COL6A6: variants seen among roughly 807,000 people sequenced by gnomAD.
COL6A6 encodes the protein collagen alpha-6(VI) chain.
COL6A6 carries 183 observed loss-of-function variants against 208.6 expected under a neutral mutation model. The ratio of observed to expected loss-of-function variants is 0.88; its 90% CI spans 0.78 to 0.99. COL6A6 has a LOEUF of 0.99. Ranked by LOEUF, COL6A6 falls within the 50% of genes least tolerant of loss-of-function variation. The probability of loss-of-function intolerance (pLI) is 0.00; values close to 1 mark genes in which losing one functional copy is unlikely to be tolerated. For missense variants in COL6A6, 2,816 were observed against 2,815.2 expected (o/e 1.00, Z -0.01); for synonymous variants, 973 against 1,011.8 (o/e 0.96, Z 0.73).
chr3:130,519,916 A>T (rs1482099477), intron 1 of COL6A6, among the ~76,000 whole-genome samples: 1 of 152,212 alleles, frequency 6.6e-6, no homozygotes, highest in Non-Finnish European at 1.5e-5. Flanking sequence ...TTTCCATGGA[A>T]TGTAATACAT....
intron 22 of COL6A6, among the ~76,000 whole-genome samples, chr3:130,609,810 A>G (rs1018321398): frequency 2.6e-5 from 4 of 152,220 alleles, no homozygotes; most frequent in Non-Finnish European, 5.9e-5. Flanking sequence ...AAGTTGGGCA[A>G]CATATCCTTA....
In COL6A6 at chr3:130,599,759, C is replaced by A; in HGVS notation, c.4602C>A (p.Gly1534=). ...TGLKGERGRQ[G]RRGWPGPPGT... is the part of the protein sequence containing the mutation. ...ACATCTGTCTGTTCCTTTGACAGGGCAGAAGAGGCTGGCCAGGCCCCCCCG... is the reference window on the plus strand; with the variant it reads ...ACATCTGTCTGTTCCTTTGACAGGGAAGAAGAGGCTGGCCAGGCCCCCCCG... The change falls in exon 20 of 37, where the codon GGC becomes GGA. Residue 1534 remains glycine (G), a splice_region_variant and synonymous_variant. Transcript: ENST00000358511. The A allele has an allele frequency of 1.2e-6, 2 of 1,613,670 alleles. No homozygotes were observed. Among genetic ancestry groups the A allele is most frequent in the Non-Finnish European group, 1.7e-6 (2 of 1,179,710 alleles).
At chr3:130,562,792 A>G (rs184246057) in intron 2 of COL6A6, among the ~76,000 whole-genome samples, 125 of 152,296 alleles carry the variant, frequency 8.2e-4, no homozygotes, top group African/African-American at 2.8e-3. Flanking sequence ...TCCAGTCACT[A>G]TTGTTAATCA....
rs199999908 is a variant in COL6A6, at chr3:130,649,092, C to A, written c.5263C>A (p.Pro1755Thr). 6.4e-7 allele frequency: 1 copy of A among 1,571,536 alleles called. No homozygotes were observed. Among genetic ancestry groups the A allele is most frequent in the Admixed American group, 1.9e-5 (1 of 53,838 alleles). Reference sequence around the variant, plus strand: ...AGGAAAACCGGAATGCCCAGTGCACCCAACCGAGTTGGTGTTTGCCCTGGA... The same window carrying A: ...AGGAAAACCGGAATGCCCAGTGCACACAACCGAGTTGGTGTTTGCCCTGGA... The part of the protein sequence containing the change: ...RHGKPECPVH[P>T]TELVFALDHS... The change falls in exon 33 of 37, where the codon CCA (proline) becomes ACA (threonine). Residue 1755 changes from proline to threonine, a missense_variant. Coordinates refer to ENST00000358511, the MANE Select transcript of COL6A6 (RefSeq NM_001102608.3).
At chr3:130,562,418 A>G (rs1367809284) in intron 2 of COL6A6, among the ~76,000 whole-genome samples, 1 of 152,238 alleles carries the variant, frequency 6.6e-6, no homozygotes, top group Non-Finnish European at 1.5e-5. Context: ...TTATAATATA[A>G]TGCTCATTCA....
chr3:130,533,919 A>T (rs1213301904), intron 1 of COL6A6, among the ~76,000 whole-genome samples: 2 of 152,220 alleles, frequency 1.3e-5, no homozygotes, highest in Non-Finnish European at 2.9e-5. Flanking sequence ...TTTGAACAAT[A>T]TTCCCACGTA....
At chr3:130,636,018 A>AT (rs778313452) in intron 28 of COL6A6, among the ~76,000 whole-genome samples, 1 of 152,222 alleles carries the variant, frequency 6.6e-6, no homozygotes, top group Non-Finnish European at 1.5e-5. Flanking sequence ...TGGTAATAAG[A>AT]TTTTTTAAAA....
intron 27 of COL6A6, among the ~76,000 whole-genome samples, chr3:130,635,274 G>C (rs2065078981): frequency 6.6e-6 from 1 of 152,030 alleles, no homozygotes; most frequent in African/African-American, 2.4e-5. Context: ...GTAATGTAAA[G>C]AAAATAAGAG....
chr3:130,670,446 G>GT (rs1344691841), intron 36 of COL6A6, among the ~76,000 whole-genome samples: 2 of 152,168 alleles, frequency 1.3e-5, no homozygotes, highest in African/African-American at 2.4e-5. Flanking sequence ...GAGTTTTATA[G>GT]TGAAGTCCAA....
intron 1 of COL6A6, among the ~76,000 whole-genome samples, chr3:130,556,026 C>T (rs2062760842): frequency 6.6e-6 from 1 of 152,272 alleles, no homozygotes; most frequent in East Asian, 1.9e-4. Flanking sequence ...TCATCCCTCA[C>T]TCCCCTGCAA....
chr3:130,588,428 C>G (rs866170796), intron 11 of COL6A6, among the ~76,000 whole-genome samples: 74 of 152,052 alleles, frequency 4.9e-4, no homozygotes, highest in African/African-American at 1.6e-3. Flanking sequence ...CTGGGTAAGT[C>G]CAGGATGACA....
chr3:130,597,962 A>G (rs2063896899), intron 18 of COL6A6, among the ~76,000 whole-genome samples: 1 of 152,200 alleles, frequency 6.6e-6, no homozygotes, highest in South Asian at 2.1e-4. Flanking sequence ...GTATGGTAGA[A>G]TAAAATCTAC....
At position 130,672,230 on chromosome 3, in the gene COL6A6, G is replaced by A. The variant is rs115259954; in HGVS notation, c.6597-2972G>A. On this transcript the variant is annotated intron_variant, in intron 36 of 36. Transcript: ENST00000358511. ...TCCCACCTAACCTTATCTAGAATTT[G>A]TCACATCCATCTTTCCACAAACTTT... Among the ~76,000 whole-genome samples, 313 of 152,264 alleles carry A rather than the reference G, an allele frequency of 2.1e-3. 1 individual carries two copies. Among genetic ancestry groups the A allele is most frequent in the African/African-American group, 7.2e-3 (298 of 41,540 alleles).
At chr3:130,544,295 A>G (rs549802913) in intron 1 of COL6A6, among the ~76,000 whole-genome samples, 1 of 152,312 alleles carries the variant, frequency 6.6e-6, no homozygotes, top group East Asian at 1.9e-4. Flanking sequence ...TTCACTTAGC[A>G]TAGTGTCATC....
intron 10 of COL6A6, among the ~76,000 whole-genome samples, chr3:130,583,395 T>C (rs935678609): frequency 3.9e-5 from 6 of 152,190 alleles, no homozygotes; most frequent in African/African-American, 9.6e-5. Flanking sequence ...GTTGCTGTTA[T>C]TTTGTTTTCT....
rs189165149 is a variant in COL6A6, at chr3:130,557,698, A to G, written c.-31-2636A>G. 2.2e-3 allele frequency among the ~76,000 whole-genome samples: 331 copies of G among 152,306 alleles called. 1 individual carries two copies. The highest frequency in any genetic ancestry group is 3.7e-3 in the Non-Finnish European group (250 of 68,022). The stretch of plus-strand genomic sequence containing the variant: ...TGCTGAAGTCTCTTTTGTTTCCCTT[A>G]TGGGCTCTTAGTACCTTTTTTCAGA... On this transcript the variant is annotated intron_variant, in intron 1 of 36. Transcript: ENST00000358511.
At chr3:130,519,654 C>T (rs1031404048) in intron 1 of COL6A6, among the ~76,000 whole-genome samples, 1 of 152,168 alleles carries the variant, frequency 6.6e-6, no homozygotes, top group Non-Finnish European at 1.5e-5. Flanking sequence ...AGTTACCTCT[C>T]TGAGTCTTAT....
chr3:130,566,956 A>G lies in COL6A6; in HGVS notation c.1537A>G (p.Thr513Ala), dbSNP rs1560000101. 6.2e-7 allele frequency: 1 copy of G among 1,614,062 alleles called. No individual in the cohort carries two copies. Among genetic ancestry groups the G allele is most frequent in the Non-Finnish European group, 8.5e-7 (1 of 1,179,890 alleles). Residue 513 changes from threonine (T) to alanine (A), a missense_variant, in exon 5 of 37, where the codon ACA (threonine) becomes GCA (alanine). Thr to Ala is a moderately conservative substitution (Grantham distance 58, BLOSUM62 0). Coordinates refer to ENST00000358511, the MANE Select transcript of COL6A6 (RefSeq NM_001102608.3). ...IENIRQMGGN[T>A]NTGAALNFTL... ...GAATATCAGGCAGATGGGTGGGAAT[A>G]CAAACACAGGCGCAGCACTGAATTT...
chr3:130,591,105 G>A lies in COL6A6; in HGVS notation c.4272+11G>A, dbSNP rs1216284306. 1.3e-6 allele frequency: 2 copies of A among 1,570,380 alleles called. No individual in the cohort carries two copies. The highest frequency in any genetic ancestry group is 1.7e-6 in the Non-Finnish European group (2 of 1,153,916). On this transcript the variant is annotated intron_variant, in intron 13 of 36. Transcript: ENST00000358511. ...GAGGAGGGAATCGCTGTAAGTCAGGGCTCTTTTTTACCTCCATTTATCCCT... is the reference window on the plus strand; with the variant it reads ...GAGGAGGGAATCGCTGTAAGTCAGGACTCTTTTTTACCTCCATTTATCCCT...
Sources: gnomAD v4.1 joint callset for allele counts (sites outside exome capture counted in the v4.1 genomes callset) on GRCh38, gnomAD v4.1.1 for gene constraint, MANE v1.5 for transcripts, NCBI Gene and HGNC (gene_info 2026-07-23, HGNC 2026-07-21) for gene names.